OPCML: variants seen among roughly 807,000 people sequenced by gnomAD.
The protein encoded by OPCML is opioid-binding protein/cell adhesion molecule.
Under a neutral mutation model 37.8 loss-of-function variants are expected in OPCML, and 13 were observed. That is an observed-to-expected ratio of 0.34 (90% CI 0.22 to 0.55). The LOEUF (loss-of-function observed/expected upper bound fraction) is 0.55, where lower values mean the gene tolerates loss of function less well. OPCML is among the 20% of genes least tolerant of loss of function. The pLI is 0.91. For missense variants in OPCML, 341 were observed against 435.6 expected, an observed-to-expected ratio of 0.78 and a Z score of 1.93; for synonymous variants, 176 against 168.8, an observed-to-expected ratio of 1.04 and a Z score of -0.33.
intron 1 of OPCML, among the ~76,000 whole-genome samples, chr11:133,410,598 T>A (rs1431814281): frequency 6.9e-6 from 1 of 145,454 alleles, no homozygotes; most frequent in Non-Finnish European, 1.5e-5. Flanking sequence ...TTGCTTTTTT[T>A]TTTCTTTGAG....
chr11:133,499,530 A>G (rs552863706), intron 1 of OPCML, among the ~76,000 whole-genome samples: 2 of 151,926 alleles, frequency 1.3e-5, no homozygotes, highest in Admixed American at 6.6e-5. Context: ...CTTGGTCCCA[A>G]GGGAAGCCCA....
chr11:132,469,573 ATATGTGTATGGATG>A (rs2096129559), intron 4 of OPCML, among the ~76,000 whole-genome samples: 1 of 106,766 alleles, frequency 9.4e-6, no homozygotes, highest in African/African-American at 3.7e-5. Flanking sequence ...GTGTGTGTGT[ATATGTGTATGGATG>A]TATGTGTATG....
At chr11:132,740,587 C>T (rs1945405230) in intron 2 of OPCML, among the ~76,000 whole-genome samples, 1 of 152,118 alleles carries the variant, frequency 6.6e-6, no homozygotes, top group Non-Finnish European at 1.5e-5. Context: ...TATGTAGCAC[C>T]TATCACCTCG....
At chr11:132,739,952 A>C (rs1259422380) in intron 2 of OPCML, among the ~76,000 whole-genome samples, 1 of 152,222 alleles carries the variant, frequency 6.6e-6, no homozygotes, top group Non-Finnish European at 1.5e-5. Flanking sequence ...ACAGGAGTAC[A>C]ATCTTAAAAA....
At chr11:133,343,397 T>C (rs990827376) in intron 1 of OPCML, among the ~76,000 whole-genome samples, 1 of 152,202 alleles carries the variant, frequency 6.6e-6, no homozygotes, top group Non-Finnish European at 1.5e-5. Flanking sequence ...ATTAATTTTG[T>C]TAATTAAAGC....
intron 2 of OPCML, among the ~76,000 whole-genome samples, chr11:132,768,545 C>G (rs1684237294): frequency 6.6e-6 from 1 of 152,170 alleles, no homozygotes; most frequent in Admixed American, 6.5e-5. Flanking sequence ...ATTATTTAAA[C>G]TGGGAAACAA....
At chr11:132,648,146 A>C (rs1270857502) in intron 3 of OPCML, among the ~76,000 whole-genome samples, 1 of 152,228 alleles carries the variant, frequency 6.6e-6, no homozygotes, top group Non-Finnish European at 1.5e-5. Context: ...GTGACTGACT[A>C]ATCTTGCGGG....
At chr11:133,005,262 CATGAATGAATCAATAGCCAGA>C in intron 1 of OPCML, 1 of 985,412 alleles carries the variant, frequency 1.0e-6, no homozygotes, top group Non-Finnish European at 1.2e-6. Flanking sequence ...GGAAAAAGTG[CATGAATGAATCAATAGCCAGA>C]ATGAATGAAT....
At chr11:133,478,919 G>A (rs962361194) in intron 1 of OPCML, among the ~76,000 whole-genome samples, 2 of 151,750 alleles carry the variant, frequency 1.3e-5, no homozygotes, top group African/African-American at 4.8e-5. Context: ...AACAAGTCAC[G>A]CCATCCTAAT....
chr11:132,699,062 A>G (rs1353723066), intron 2 of OPCML, among the ~76,000 whole-genome samples: 2 of 151,874 alleles, frequency 1.3e-5, no homozygotes, highest in South Asian at 2.1e-4. Context: ...TATAGTTTTC[A>G]GTGTACAAGT....
At chr11:133,136,828 CGTGTGTGTGTGTGTGTGTGTGTGTGT>C (rs141952561) in intron 1 of OPCML, among the ~76,000 whole-genome samples, 8 of 126,294 alleles carry the variant, frequency 6.3e-5, no homozygotes, top group African/African-American at 2.3e-4. Flanking sequence ...TCTATGTGCA[CGTGTGTGTGTGTGTGTGTGTGTGTGT>C]GTGTGTGTGT....
At chr11:133,299,466 A>G (rs1027709479) in intron 1 of OPCML, 4 of 152,196 alleles carry the variant, frequency 2.6e-5, no homozygotes, top group African/African-American at 9.7e-5. Context: ...TACTTAAGTC[A>G]CCTTTAATTA....
At chr11:132,760,632 T>C (rs1009611190) in intron 2 of OPCML, among the ~76,000 whole-genome samples, 1 of 152,050 alleles carries the variant, frequency 6.6e-6, no homozygotes. Flanking sequence ...CATTTGCTTT[T>C]TTTTTTCTTT....
In OPCML at chr11:132,706,160, C is replaced by T. The variant is rs940465730; in HGVS notation, c.147-48841G>A. Among the ~76,000 whole-genome samples the T allele has an allele frequency of 2.0e-5, 3 of 152,154 alleles. No individual in the cohort carries two copies. The South Asian group carries it at 6.2e-4, about 32-fold the overall frequency. ...CGACCTAATACAAGGGGGAGCAAAG[C>T]TGAATGCATTGCAGATACTTGGCTA... On this transcript the variant is annotated intron_variant, in intron 2 of 7. Coordinates refer to ENST00000524381, the MANE Select transcript of OPCML (RefSeq NM_001012393.5).
At chr11:133,363,991 T>C (rs1944480982) in intron 1 of OPCML, among the ~76,000 whole-genome samples, 1 of 152,164 alleles carries the variant, frequency 6.6e-6, no homozygotes, top group South Asian at 2.1e-4. Context: ...TCTGTTTTCA[T>C]GCACAGGTGC....
intron 1 of OPCML, among the ~76,000 whole-genome samples, chr11:132,986,765 G>A (rs959424282): frequency 5.3e-5 from 8 of 152,102 alleles, no homozygotes; most frequent in Non-Finnish European, 5.9e-5. Context: ...GGGTAATCGA[G>A]AGTTAATTAC....
At chr11:133,155,170 C>G (rs1157661238) in intron 1 of OPCML, among the ~76,000 whole-genome samples, 1 of 152,152 alleles carries the variant, frequency 6.6e-6, no homozygotes, top group Non-Finnish European at 1.5e-5. Flanking sequence ...AGGAGGGACT[C>G]TTTACTTGCC....
At chr11:132,759,492 T>G (rs965674397) in intron 2 of OPCML, among the ~76,000 whole-genome samples, 1 of 152,198 alleles carries the variant, frequency 6.6e-6, no homozygotes, top group Non-Finnish European at 1.5e-5. Context: ...GTTATTGGCC[T>G]ATTCAGGGAT....
At chr11:133,384,309 A>G (rs1034415511) in intron 1 of OPCML, among the ~76,000 whole-genome samples, 3 of 151,000 alleles carry the variant, frequency 2.0e-5, no homozygotes, top group Admixed American at 6.6e-5. Context: ...CCCAGGACTG[A>G]TTTATCACCT....
Sources: allele counts gnomAD v4.1 joint callset (sites outside exome capture counted in the v4.1 genomes callset), GRCh38; gene constraint gnomAD v4.1.1; transcripts MANE v1.5; gene names NCBI Gene and HGNC (gene_info 2026-07-23, HGNC 2026-07-21).